ELK4: variants seen among roughly 807,000 people sequenced by gnomAD.
ELK4 encodes ETS transcription factor ELK4.
A neutral mutation model predicts 29.6 loss-of-function variants in ELK4; 16 were observed. That is an observed-to-expected ratio of 0.54 (90% confidence interval 0.37 to 0.82). The LOEUF (loss-of-function observed/expected upper bound fraction) is 0.82, where lower values mean the gene tolerates loss of function less well. ELK4 is among the 40% of genes least tolerant of loss of function. The probability of loss-of-function intolerance (pLI) is 0.00; values close to 1 mark genes in which losing one functional copy is unlikely to be tolerated. For missense variants in ELK4, 465 were observed against 507.1 expected (o/e 0.92, Z 0.80); for synonymous variants, 213 against 191.1 (o/e 1.11, Z -0.95).
chr1:205,608,285 T>C lies in ELK4; in HGVS notation c.*8261A>G, dbSNP rs188826859. 2.5e-5 allele frequency: 5 copies of C among 196,680 alleles called. No homozygotes were observed. The highest frequency in any genetic ancestry group is 1.7e-3 in the Middle Eastern group (1 of 592). 12.2% of individuals were successfully genotyped at this position (196,680 alleles called of 1,614,324 possible). ...TGCACTGAGTATCAACTACACATTT[T>C]TTTTTTCAAGCAGCATATTATTATA... is the stretch of plus-strand genomic sequence containing the variant. On this transcript the variant is annotated 3_prime_UTR_variant, in exon 5 of 5. Transcript: ENST00000357992.
intron 4 of ELK4, among the ~76,000 whole-genome samples, chr1:205,618,611 G>A (rs1670274880): frequency 6.6e-6 from 1 of 152,166 alleles, no homozygotes; most frequent in Non-Finnish European, 1.5e-5. Flanking sequence ...ATCACCTGAG[G>A]TCAGGAGTTG....
chr1:205,623,890 A>G lies in ELK4; in HGVS notation c.-8T>C, dbSNP rs1408731193. 2.1e-5 allele frequency: 34 copies of G among 1,613,840 alleles called. No homozygotes were observed. The highest frequency in any genetic ancestry group is 2.9e-5 in the Non-Finnish European group (34 of 1,179,726). ...GGTGATAGCACTGTCCATAGCAATG[A>G]GCTGAAAGAATATAGATAAGATATG... On this transcript the variant is annotated splice_region_variant and 5_prime_UTR_variant, in exon 2 of 5. Transcript: ENST00000357992.
intron 1 of ELK4, chr1:205,625,404 C>T (rs997847967): frequency 2.0e-5 from 10 of 511,618 alleles, no homozygotes; most frequent in Admixed American, 1.6e-4. Flanking sequence ...GCCTACTTGT[C>T]GCCACTATCA....
Position 205,610,772 on chromosome 1 carries a change from C to T in ELK4, c.*5774G>A, listed in dbSNP as rs537952881. On this transcript the variant is annotated 3_prime_UTR_variant, in exon 5 of 5. Coordinates refer to ENST00000357992, the MANE Select transcript of ELK4 (RefSeq NM_001973.4). ...TGTTCCCTATGAAAACAGATTTACA[C>T]GCGCACACACACACACACACACATT... 15 of 230,614 alleles carry T rather than the reference C, an allele frequency of 6.5e-5. No individual in the cohort carries two copies. The highest frequency in any genetic ancestry group is 3.1e-4 in the East Asian group (5 of 16,350). The allele number at this position is 230,614 out of a possible 1,614,324, so 14.3% of individuals were successfully genotyped here.
chr1:205,629,018 C>A (rs1274128647), intron 1 of ELK4, among the ~76,000 whole-genome samples: 1 of 151,762 alleles, frequency 6.6e-6, no homozygotes, highest in Non-Finnish European at 1.5e-5. Context: ...ATTAAAAATA[C>A]AAACAATTAG....
chr1:205,621,193 TAAAAAA>T (rs61338827), intron 2 of ELK4, among the ~76,000 whole-genome samples: 10,388 of 77,226 alleles, frequency 0.13, 621 homozygotes, highest in East Asian at 0.41. Context: ...GAGTCTGTCT[TAAAAAA>T]AAAAAAAAAA....
Position 205,620,168 on chromosome 1 carries a change from G to C in ELK4, c.878C>G (p.Pro293Arg), listed in dbSNP as rs191743893. Residue 293 changes from proline (P) to arginine (R), a missense_variant, in exon 3 of 5, where the codon CCA becomes CGA. Pro to Arg is a moderately radical substitution (Grantham distance 103). Coordinates refer to ENST00000357992, the MANE Select transcript of ELK4 (RefSeq NM_001973.4). ...TTTAGGCTCCAGTGACAAATTCTCT[G>C]GAAGTTCCATTGGCTGAGAAGCCAC... ...DSVASQPMEL[P>R]ENLSLEPKDQ... The C allele has an allele frequency of 8.3e-5, 134 of 1,614,198 alleles. 1 individual carries two copies. In the Admixed American group the frequency reaches 1.9e-3, roughly 23 times the overall value.
intron 1 of ELK4, among the ~76,000 whole-genome samples, chr1:205,626,720 G>A (rs1670471523): frequency 6.6e-6 from 1 of 152,188 alleles, no homozygotes; most frequent in Non-Finnish European, 1.5e-5. Flanking sequence ...TGAAGCCCTT[G>A]TACATTGCTG....
chr1:205,625,910 C>T, intron 1 of ELK4: 1 of 734,222 alleles, frequency 1.4e-6, no homozygotes, highest in Non-Finnish European at 2.5e-6. Context: ...AACTCCTGAC[C>T]TCATGATCCG....
intron 3 of ELK4, 200 bp from the exon 4 acceptor site, chr1:205,619,273 AT>A (rs2102377771): frequency 3.8e-6 from 4 of 1,048,212 alleles, no homozygotes; most frequent in South Asian, 4.7e-5. Flanking sequence ...ACTACTTAAA[AT>A]TTTTTAAATT....
rs1322006165 is a variant in ELK4, at chr1:205,613,139, A to AT, written c.*3406dup. The AT allele has an allele frequency of 5.1e-6, 1 of 196,782 alleles. No individual in the cohort carries two copies. The highest frequency in any genetic ancestry group is 6.1e-5 in the Admixed American group (1 of 16,438). The allele number at this position is 196,782 out of a possible 1,614,324, so 12.2% of individuals were successfully genotyped here. On this transcript the variant is annotated 3_prime_UTR_variant, in exon 5 of 5. Coordinates refer to ENST00000357992, the MANE Select transcript of ELK4 (RefSeq NM_001973.4). ...ACACATAAAGTATGCCATGAGCAATATAACATCACAAACGTACTGTGACAA... is the reference window on the plus strand; with the variant it reads ...ACACATAAAGTATGCCATGAGCAATATTAACATCACAAACGTACTGTGACAA...
chr1:205,618,398 C>T (rs1015337083), intron 4 of ELK4, among the ~76,000 whole-genome samples: 1 of 151,946 alleles, frequency 6.6e-6, no homozygotes, highest in African/African-American at 2.4e-5. Flanking sequence ...AAATCTCCTA[C>T]AGTATTGAAC....
rs2102371040 is a variant in ELK4 at position 205,608,144 on chromosome 1, C to G, written c.*8402G>C. 2 of 186,606 alleles carry G rather than the reference C, an allele frequency of 1.1e-5. No individual in the cohort carries two copies. Among genetic ancestry groups the G allele is most frequent in the Middle Eastern group, 3.8e-3 (2 of 522 alleles). 11.6% of individuals were successfully genotyped at this position (186,606 alleles called of 1,614,324 possible). Reference sequence around the variant, plus strand: ...AGATTTTTAAAAATGTATATCTTTCCTAAAAGATGCATATCACCATTATAG... The same window carrying G: ...AGATTTTTAAAAATGTATATCTTTCGTAAAAGATGCATATCACCATTATAG... On this transcript the variant is annotated 3_prime_UTR_variant, in exon 5 of 5. Transcript: ENST00000357992.
At chr1:205,625,449 C>A (rs1286218931) in intron 1 of ELK4, 1 of 591,134 alleles carries the variant, frequency 1.7e-6, no homozygotes. Flanking sequence ...CAGGTTCCTT[C>A]AGCCCAGCCT....
In ELK4 at chr1:205,608,689, G is replaced by T; in HGVS notation, c.*7857C>A. 1 of 193,282 alleles carries T rather than the reference G, an allele frequency of 5.2e-6. No individual in the cohort carries two copies. Among genetic ancestry groups the T allele is most frequent in the Non-Finnish European group, 1.1e-5 (1 of 92,806 alleles). The allele number at this position is 193,282 out of a possible 1,614,324, so 12.0% of individuals were successfully genotyped here. On this transcript the variant is annotated 3_prime_UTR_variant, in exon 5 of 5. Transcript: ENST00000357992. Reference sequence around the variant, plus strand: ...ACTTTAACAGTTATCCATTCCTCTGGGTAGGTGTGCACTTACATTATATGT... The same window carrying T: ...ACTTTAACAGTTATCCATTCCTCTGTGTAGGTGTGCACTTACATTATATGT...
intron 4 of ELK4, among the ~76,000 whole-genome samples, chr1:205,617,677 G>A (rs1048544943): frequency 4.6e-5 from 7 of 151,904 alleles, no homozygotes; most frequent in Admixed American, 1.3e-4. Flanking sequence ...TGAGGCGGGC[G>A]GATCACCTGA....
At chr1:205,619,622 C>G in intron 3 of ELK4, 1 of 1,308,092 alleles carries the variant, frequency 7.6e-7, no homozygotes, top group Non-Finnish European at 9.7e-7. Context: ...CTACTGTTTT[C>G]TAACTTGAGA....
chr1:205,625,604 G>C, intron 1 of ELK4: 2 of 1,237,288 alleles, frequency 1.6e-6, no homozygotes, highest in South Asian at 2.4e-5. Context: ...CCAAAGCTCG[G>C]ATAGGAGACC....
Position 205,616,232 on chromosome 1 carries a change from C to G in ELK4, c.*314G>C, listed in dbSNP as rs187750116. ...TTTTGCAAAGCACAGTCACTAAAGCCCACCAAAAACTTCTTCAGCACAAAG... is the reference window on the plus strand; with the variant it reads ...TTTTGCAAAGCACAGTCACTAAAGCGCACCAAAAACTTCTTCAGCACAAAG... On this transcript the variant is annotated 3_prime_UTR_variant, in exon 5 of 5. Coordinates refer to ENST00000357992, the MANE Select transcript of ELK4 (RefSeq NM_001973.4). 1.1e-3 allele frequency: 331 copies of G among 290,584 alleles called. No individual in the cohort carries two copies. Among genetic ancestry groups the G allele is most frequent in the African/African-American group, 6.5e-3 (313 of 47,840 alleles). 18.0% of individuals were successfully genotyped at this position (290,584 alleles called of 1,614,324 possible). A position where few individuals can be genotyped will look rare whatever the true frequency, so the allele number is the denominator to read the frequency against.
Sources: gnomAD v4.1 joint callset for allele counts (sites outside exome capture counted in the v4.1 genomes callset) on GRCh38, gnomAD v4.1.1 for gene constraint, MANE v1.5 for transcripts, NCBI Gene and HGNC (gene_info 2026-07-23, HGNC 2026-07-21) for gene names.